TLE4: variants seen among roughly 807,000 people sequenced by gnomAD.
The protein encoded by TLE4 is transducin-like enhancer protein 4.
TLE4 carries 8 observed loss-of-function variants against 92.8 expected under a neutral mutation model. That is an observed-to-expected ratio of 0.09 (90% CI 0.05 to 0.16). The LOEUF (loss-of-function observed/expected upper bound fraction) is 0.16. Ranked by LOEUF, TLE4 falls within the 10% of genes least tolerant of loss-of-function variation. The pLI, the probability that TLE4 is intolerant of heterozygous loss-of-function variation, is 1.00. For missense variants in TLE4, 675 were observed against 997.6 expected (o/e 0.68, Z 4.36); for synonymous variants, 371 against 374.1 (o/e 0.99, Z 0.10).
At chr9:79,701,871 C>G (rs549633547) in intron 8 of TLE4, among the ~76,000 whole-genome samples, 1 of 152,310 alleles carries the variant, frequency 6.6e-6, no homozygotes, top group African/African-American at 2.4e-5. Flanking sequence ...TCAGGGAACC[C>G]ACAGCCTAAA....
chr9:79,603,693 C>G (rs114528700), intron 4 of TLE4, among the ~76,000 whole-genome samples: 1,693 of 152,238 alleles, frequency 0.011, 38 homozygotes, highest in African/African-American at 0.038. Context: ...CACAGTATCT[C>G]TTGTGTATGC....
At chr9:79,659,514 T>C (rs2060234180) in intron 8 of TLE4, among the ~76,000 whole-genome samples, 1 of 152,118 alleles carries the variant, frequency 6.6e-6, no homozygotes, top group South Asian at 2.1e-4. Context: ...AAATAATTGG[T>C]TTACTTGAAA....
At chr9:79,573,195 G>A in intron 1 of TLE4, 1 of 986,578 alleles carries the variant, frequency 1.0e-6, no homozygotes, top group Non-Finnish European at 1.2e-6. Context: ...CAGCGGCGCT[G>A]CTGGGCTGGC....
chr9:79,653,777 G>C (rs1412932500), intron 7 of TLE4, among the ~76,000 whole-genome samples: 1 of 152,180 alleles, frequency 6.6e-6, no homozygotes, highest in African/African-American at 2.4e-5. Context: ...CAGAGTTGAT[G>C]CATGATTGTA....
chr9:79,704,035 AAAAACAAAAC>A (rs202052208), intron 8 of TLE4, among the ~76,000 whole-genome samples: 1 of 152,118 alleles, frequency 6.6e-6, no homozygotes, highest in Non-Finnish European at 1.5e-5. Flanking sequence ...AGCAAACTTT[AAAAACAAAAC>A]AAAACAAACA....
At position 79,720,185 on chromosome 9, in the gene TLE4, C is replaced by T. The variant is rs768633672; in HGVS notation, c.1730C>T (p.Ala577Val). Residue 577 changes from alanine to valine, a missense_variant, in exon 16 of 20, where the codon GCC (alanine) becomes GTC (valine). By Grantham distance (64) the Ala-to-Val change is moderately conservative. Coordinates refer to ENST00000376552, the MANE Select transcript of TLE4 (RefSeq NM_007005.6). Reference sequence around the variant, plus strand: ...ATCAAGGCAGAGCTGACATCCTCGGCCCCCGCCTGCTATGCCCTGGCCATC... The same window carrying T: ...ATCAAGGCAGAGCTGACATCCTCGGTCCCCGCCTGCTATGCCCTGGCCATC... The part of the protein sequence containing the change: ...PRIKAELTSS[A>V]PACYALAISP... The T allele has an allele frequency of 6.2e-7, 1 of 1,614,174 alleles. No homozygotes were observed. Among genetic ancestry groups the T allele is most frequent in the Non-Finnish European group, 8.5e-7 (1 of 1,180,030 alleles).
intron 8 of TLE4, among the ~76,000 whole-genome samples, chr9:79,654,495 A>ATT (rs557985264): frequency 0.011 from 1,627 of 143,232 alleles, 38 homozygotes; most frequent in African/African-American, 0.039. Context: ...TGAATGGTGC[A>ATT]TTTTTTTTTT....
chr9:79,685,071 C>T (rs552395098), intron 8 of TLE4, among the ~76,000 whole-genome samples: 7 of 152,258 alleles, frequency 4.6e-5, no homozygotes, highest in African/African-American at 9.6e-5. Flanking sequence ...GCACTAGAAC[C>T]GTGGCAGCCT....
At chr9:79,580,296 G>C (rs1029858585) in intron 4 of TLE4, 1 of 152,222 alleles carries the variant, frequency 6.6e-6, no homozygotes, top group African/African-American at 2.4e-5. Context: ...GACTGGATTG[G>C]CCAAAAGCAG....
chr9:79,645,173 G>A (rs866537433), intron 6 of TLE4, among the ~76,000 whole-genome samples: 7 of 152,186 alleles, frequency 4.6e-5, no homozygotes, highest in Admixed American at 6.5e-5. Context: ...ATATCCGTTA[G>A]TCTAGATAGC....
chr9:79,704,744 A>C (rs2071025981), intron 8 of TLE4, 39 bp from the exon 9 acceptor site: 1 of 1,589,326 alleles, frequency 6.3e-7, no homozygotes, highest in African/African-American at 1.4e-5. Context: ...TAAATAGATG[A>C]TAATTTCTCA....
At chr9:79,644,670 T>G (rs1424497070) in intron 6 of TLE4, among the ~76,000 whole-genome samples, 1 of 152,178 alleles carries the variant, frequency 6.6e-6, no homozygotes, top group Non-Finnish European at 1.5e-5. Flanking sequence ...CCATAGTAAA[T>G]AGTGTCTTCA....
In TLE4 at chr9:79,625,009, CTTTTCTTTTTTT is replaced by C. The variant is rs1368225020; in HGVS notation, c.316-2360_316-2349del. ...TTTTAAGTTTCTTTTAAATCTATTT[CTTTTCTTTTTTT>C]TTTTTTTTTTTTTTTTGAGACGGAG... On this transcript the variant is annotated intron_variant, in intron 5 of 19. Coordinates refer to ENST00000376552, the MANE Select transcript of TLE4 (RefSeq NM_007005.6). Among the ~76,000 whole-genome samples, 597 of 100,398 alleles carry C rather than the reference CTTTTCTTTTTTT, an allele frequency of 5.9e-3. 3 individuals carry two copies. Among genetic ancestry groups the C allele is most frequent in the African/African-American group, 0.018 (542 of 29,822 alleles). 65.9% of individuals were successfully genotyped at this position (100,398 alleles called of 152,430 possible). A position where few individuals can be genotyped will look rare whatever the true frequency, so the allele number is the denominator to read the frequency against.
In TLE4 at chr9:79,573,839, C is replaced by T. The variant is rs900298160; in HGVS notation, c.143+53C>T. The T allele has an allele frequency of 1.1e-5, 15 of 1,338,616 alleles. No homozygotes were observed. In the African/African-American group the frequency reaches 1.3e-4, roughly 12 times the overall value. The allele number at this position is 1,338,616 out of a possible 1,614,324, so 82.9% of individuals were successfully genotyped here. A position where few individuals can be genotyped will look rare whatever the true frequency, so the allele number is the denominator to read the frequency against. On this transcript the variant is annotated intron_variant, in intron 2 of 19. Transcript: ENST00000376552. ...TCTGTTTGCTTAGCTCTTGTCTCCC[C>T]GACAAATACACACAAACACTTACCC...
rs1479138557 is a variant in TLE4, at chr9:79,708,677, A to T, written c.1154A>T (p.Glu385Val). Residue 385 changes from glutamate to valine, a missense_variant, in exon 13 of 20, where the codon GAG becomes GTG. Physicochemically the swap from Glu to Val is moderately radical, Grantham distance 121. This residue lies in a region of TLE4 where 119 missense variants were observed against 175.9 expected (regional missense o/e 0.68). Coordinates refer to ENST00000376552, the MANE Select transcript of TLE4 (RefSeq NM_007005.6). The part of the protein sequence containing the change: ...GIVPHAGMNG[E>V]LTSPGAAYAG... Reference sequence around the variant, plus strand: ...GTGCCCCATGCTGGAATGAACGGAGAGCTGACCAGCCCCGGAGCGGCCTAC... The same window carrying T: ...GTGCCCCATGCTGGAATGAACGGAGTGCTGACCAGCCCCGGAGCGGCCTAC... 6.2e-7 allele frequency: 1 copy of T among 1,613,984 alleles called. No individual in the cohort carries two copies. The highest frequency in any genetic ancestry group is 1.7e-5 in the Admixed American group (1 of 60,026).
Position 79,664,725 on chromosome 9 carries a change from C to A in TLE4, c.609+10650C>A, listed in dbSNP as rs185086920. On this transcript the variant is annotated intron_variant, in intron 8 of 19. Transcript: ENST00000376552. ...TGCCTCCCGCTGCCACTTCTTCCCTCCCTCTTTTCAAATTGCCATCCTCCT... is the reference window on the plus strand; with the variant it reads ...TGCCTCCCGCTGCCACTTCTTCCCTACCTCTTTTCAAATTGCCATCCTCCT... Among the ~76,000 whole-genome samples, 424 of 152,316 alleles carry A rather than the reference C, an allele frequency of 2.8e-3. 2 individuals are homozygous for A. The highest frequency in any genetic ancestry group is 8.8e-3 in the African/African-American group (366 of 41,558).
chr9:79,663,483 A>T (rs978978982), intron 8 of TLE4: 1 of 152,246 alleles, frequency 6.6e-6, no homozygotes, highest in Non-Finnish European at 1.5e-5. Flanking sequence ...AGAGAGTTCT[A>T]TTGGATGATG....
chr9:79,648,759 A>G (rs1280691116), intron 6 of TLE4, among the ~76,000 whole-genome samples: 1 of 152,220 alleles, frequency 6.6e-6, no homozygotes, highest in African/African-American at 2.4e-5. Flanking sequence ...ATTGTTGATG[A>G]CCAGTAACTT....
At chr9:79,721,248 C>G (rs1346035272) in intron 16 of TLE4, among the ~76,000 whole-genome samples, 1 of 152,152 alleles carries the variant, frequency 6.6e-6, no homozygotes, top group Non-Finnish European at 1.5e-5. Flanking sequence ...TTTCCAGGTG[C>G]CTTACTTGAG....
Sources: gnomAD v4.1 joint callset for allele counts (sites outside exome capture counted in the v4.1 genomes callset) on GRCh38, gnomAD v4.1.1 for gene constraint, gnomAD v4.1.1 regional missense constraint, MANE v1.5 for transcripts, NCBI Gene and HGNC (gene_info 2026-07-23, HGNC 2026-07-21) for gene names.